TSPAN10: variants seen among roughly 807,000 people sequenced by gnomAD.
The protein encoded by TSPAN10 is tetraspanin 10, also known as tetraspanin-10.
TSPAN10 carries 11 observed loss-of-function variants against 15.0 expected under a neutral mutation model. That is an observed-to-expected ratio of 0.73 (90% CI 0.46 to 1.21). The LOEUF (loss-of-function observed/expected upper bound fraction) is 1.21. Ranked by LOEUF, TSPAN10 falls within the 50% of genes most tolerant of loss-of-function variation. The pLI is 0.00. For synonymous variants in TSPAN10, 241 were observed against 226.2 expected (o/e 1.07, Z -0.59); for missense variants, 486 against 470.6 (o/e 1.03, Z -0.30).
chr17:81,645,238 C>T, exon 2 of TSPAN10: 2 of 1,537,678 alleles, frequency 1.3e-6, no homozygotes, highest in African/African-American at 1.4e-5. Flanking sequence ...GCTGCTGGCC[C>T]TGGCCATCGG....
Position 81,637,229 on chromosome 17 carries a change from T to G in TSPAN10, c.-170T>G. On this transcript the variant is annotated 5_prime_UTR_variant, in exon 1 of 4. The change creates a new upstream start codon in the 5' untranslated region. Transcript: ENST00000574882. ...CATCCCTGCAACTGGAGGAGGGGATTTTGGAAAGTTGCGTCTGAGATTACT... is the reference window on the plus strand; with the variant it reads ...CATCCCTGCAACTGGAGGAGGGGATGTTGGAAAGTTGCGTCTGAGATTACT... 2 of 487,900 alleles carry G rather than the reference T, an allele frequency of 4.1e-6. No homozygotes were observed. Among genetic ancestry groups the G allele is most frequent in the Non-Finnish European group, 7.3e-6 (2 of 272,308 alleles). The allele number at this position is 487,900 out of a possible 1,614,324, so 30.2% of individuals were successfully genotyped here.
chr17:81,647,373 TG>T (rs771852444), intron 2 of TSPAN10: 2 of 455,508 alleles, frequency 4.4e-6, no homozygotes, highest in Non-Finnish European at 8.8e-6. Flanking sequence ...ACCTGGGGAC[TG>T]CCTGACCTGG....
At chr17:81,637,716 C>T (rs1003364018), upstream of TSPAN10, 7 of 224,872 alleles carry the variant, frequency 3.1e-5, no homozygotes, top group African/African-American at 1.2e-4. Flanking sequence ...GGTGGATCAC[C>T]TGAGGTCAGG....
chr17:81,642,592 G>T, intron 1 of TSPAN10, 144 bp downstream of exon 2: 1 of 809,882 alleles, frequency 1.2e-6, no homozygotes, highest in Non-Finnish European at 2.0e-6. Context: ...GTTGAGGGGG[G>T]TGGTTCTAGG....
chr17:81,640,150 CTT>C (rs1350457124), upstream of TSPAN10, among the ~76,000 whole-genome samples: 1 of 151,970 alleles, frequency 6.6e-6, no homozygotes, highest in Non-Finnish European at 1.5e-5. Context: ...ACCTGGCTAA[CTT>C]TTTGTATTTT....
intron 2 of TSPAN10, chr17:81,645,831 A>G (rs2036245531): frequency 7.2e-6 from 5 of 690,150 alleles, no homozygotes; most frequent in South Asian, 4.9e-5. Flanking sequence ...ACACACACCT[A>G]CACACTCCTC....
chr17:81,648,487 C>G, downstream of TSPAN10: 1 of 480,130 alleles, frequency 2.1e-6, no homozygotes. Flanking sequence ...ACGCAGGGCG[C>G]CCGGCGAAGC....
At chr17:81,644,175 T>A (rs2036211545) in intron 1 of TSPAN10, among the ~76,000 whole-genome samples, 1 of 151,958 alleles carries the variant, frequency 6.6e-6, no homozygotes, top group African/African-American at 2.4e-5. Flanking sequence ...TTCTCCTTTT[T>A]AAAAAAACTC....
upstream of TSPAN10, chr17:81,637,417 A>G (rs184442515): frequency 1.4e-6 from 1 of 699,062 alleles, no homozygotes; most frequent in East Asian, 2.7e-5. Context: ...GTAAGTAGAG[A>G]AACAATTTCA....
Position 81,645,679 on chromosome 17 carries a change from C to T in TSPAN10, c.674+50C>T, listed in dbSNP as rs552577895. ...CAGGGCCACCACAGGGTCGCAGAGG[C>T]CACACACCCTTGTGCGTGTACACAC... On this transcript the variant is annotated intron_variant, in intron 2 of 2. Coordinates refer to ENST00000611590, the Ensembl canonical transcript of TSPAN10. 4 of 1,600,390 alleles carry T rather than the reference C, an allele frequency of 2.5e-6. No homozygotes were observed. In the South Asian group the frequency reaches 4.5e-5, roughly 18 times the overall value.
chr17:81,640,184 A>C (rs1438583764), upstream of TSPAN10, among the ~76,000 whole-genome samples: 1 of 151,946 alleles, frequency 6.6e-6, no homozygotes, highest in East Asian at 1.9e-4. Flanking sequence ...GGATCTTGCT[A>C]TGTTGCCCAG....
upstream of TSPAN10, among the ~76,000 whole-genome samples, chr17:81,640,872 A>G (rs1257832016): frequency 6.6e-6 from 1 of 152,122 alleles, no homozygotes; most frequent in African/African-American, 2.4e-5. Flanking sequence ...TCGTTTCATT[A>G]AAAGATTACC....
intron 2 of TSPAN10, chr17:81,645,853 G>A (rs1188026766): frequency 3.1e-6 from 2 of 638,536 alleles, no homozygotes; most frequent in Admixed American, 2.9e-5. Context: ...ACACTGACAT[G>A]AACATGTTCT....
upstream of TSPAN10, among the ~76,000 whole-genome samples, chr17:81,640,765 G>A (rs981554552): frequency 9.9e-5 from 15 of 152,068 alleles, no homozygotes; most frequent in African/African-American, 2.2e-4. Flanking sequence ...GCCTTTAAAG[G>A]CCCTGTCTCC....
downstream of TSPAN10, chr17:81,648,315 G>T: frequency 8.3e-7 from 1 of 1,204,246 alleles, no homozygotes; most frequent in South Asian, 4.1e-5. Flanking sequence ...CGAGGTCCGA[G>T]ACCGCCACGC....
upstream of TSPAN10, chr17:81,637,689 T>C: frequency 3.8e-6 from 1 of 265,918 alleles, no homozygotes; most frequent in East Asian, 8.4e-5. Flanking sequence ...ATCCCAGCAC[T>C]TTGGGAGGCC....
intron 1 of TSPAN10, among the ~76,000 whole-genome samples, chr17:81,643,074 G>A (rs2036196625): frequency 1.3e-5 from 2 of 149,674 alleles, no homozygotes; most frequent in South Asian, 4.2e-4. Flanking sequence ...GCACAACCTC[G>A]GCTCACTGCA....
At chr17:81,645,503 A>C in exon 2 of TSPAN10, 1 of 1,585,422 alleles carries the variant, frequency 6.3e-7, no homozygotes. Context: ...GACAGCCTGG[A>C]GCACACCCTG....
exon 1 of TSPAN10, chr17:81,637,224 G>C (rs960899470): frequency 4.1e-6 from 2 of 485,346 alleles, no homozygotes; most frequent in Non-Finnish European, 3.7e-6. Flanking sequence ...ACTGGAGGAG[G>C]GGATTTTGGA....
Sources: allele counts gnomAD v4.1 joint callset (sites outside exome capture counted in the v4.1 genomes callset), GRCh38; gene constraint gnomAD v4.1.1; transcripts MANE v1.5; gene names NCBI Gene and HGNC (gene_info 2026-07-23, HGNC 2026-07-21).